Variants in SLC24A2 observed in about 807,000 individuals in gnomAD.
SLC24A2 encodes solute carrier family 24 member 2, also known as sodium/potassium/calcium exchanger 2.
SLC24A2 carries 36 observed loss-of-function variants against 62.0 expected under a neutral mutation model. The observed-to-expected ratio is 0.58, with a 90% CI of 0.44 to 0.77. SLC24A2 has a LOEUF of 0.77. Ranked by LOEUF, SLC24A2 falls within the 30% of genes least tolerant of loss-of-function variation. The pLI, the probability that SLC24A2 is intolerant of heterozygous loss-of-function variation, is 0.00. For synonymous variants in SLC24A2, 358 were observed against 294.0 expected, an observed-to-expected ratio of 1.22 and a Z score of -2.23; for missense variants, 846 against 817.9, an observed-to-expected ratio of 1.03 and a Z score of -0.42.
At chr9:20,007,479 G>C in the SLC24A2 span, among the ~76,000 whole-genome samples, 1 of 152,030 alleles carries the variant, frequency 6.6e-6, no homozygotes, top group Non-Finnish European at 1.5e-5. Context: ...CTCCAAATCA[G>C]TTACCTTTAT....
At chr9:20,285,394 G>T in the SLC24A2 span, among the ~76,000 whole-genome samples, 1 of 152,204 alleles carries the variant, frequency 6.6e-6, no homozygotes, top group African/African-American at 2.4e-5. Flanking sequence ...ACCAAGGAAG[G>T]CAATTTAATT....
chr9:20,049,780 G>A, the SLC24A2 span, among the ~76,000 whole-genome samples: 1 of 152,150 alleles, frequency 6.6e-6, no homozygotes, highest in Admixed American at 6.6e-5. Flanking sequence ...ATAAACTACA[G>A]GGATTAAGGT....
the SLC24A2 span, among the ~76,000 whole-genome samples, chr9:20,009,073 T>A: frequency 1.3e-5 from 2 of 152,164 alleles, no homozygotes; most frequent in African/African-American, 4.8e-5. Context: ...TAAGCTAGCA[T>A]AGTGCCATGC....
the SLC24A2 span, among the ~76,000 whole-genome samples, chr9:19,931,282 G>T: frequency 2.0e-5 from 3 of 152,250 alleles, no homozygotes; most frequent in South Asian, 6.2e-4. Context: ...GAAGTTCACA[G>T]AAAGAGTTAT....
In SLC24A2 at chr9:19,599,425, G is replaced by T. The variant is rs142109277; in HGVS notation, c.1079-2146C>A. Among the ~76,000 whole-genome samples the T allele has an allele frequency of 6.6e-6, 1 of 152,190 alleles. No homozygotes were observed. The highest frequency in any genetic ancestry group is 1.5e-5 in the Non-Finnish European group (1 of 68,040). The stretch of plus-strand genomic sequence containing the variant: ...AGTGAAAAGCTGAATAACAGCAGGT[G>T]TTGTGGCAACTCAAGGCGCACTGAG... On this transcript the variant is annotated intron_variant, in intron 4 of 10. Coordinates refer to ENST00000341998, the MANE Select transcript of SLC24A2 (RefSeq NM_020344.4). This position sits in a 1 kb window ranked among gnomAD's most constrained non-coding sequence, Gnocchi z 4.5.
the SLC24A2 span, among the ~76,000 whole-genome samples, chr9:19,964,728 C>A: frequency 1.3e-5 from 2 of 152,210 alleles, no homozygotes; most frequent in Non-Finnish European, 2.9e-5. Flanking sequence ...TCTTAGTGCA[C>A]AGGTGTGTGG....
the SLC24A2 span, among the ~76,000 whole-genome samples, chr9:20,046,246 G>A: frequency 1.3e-5 from 2 of 152,192 alleles, no homozygotes; most frequent in Non-Finnish European, 2.9e-5. Context: ...CAACACAGAG[G>A]CTTGTCAGCA....
At chr9:19,856,737 G>A in the SLC24A2 span, among the ~76,000 whole-genome samples, 2 of 152,190 alleles carry the variant, frequency 1.3e-5, no homozygotes, top group South Asian at 4.1e-4. Context: ...GTGTCTGGCA[G>A]TGCCTGTTGG....
At chr9:19,546,360 C>T (rs917599573) in intron 8 of SLC24A2, among the ~76,000 whole-genome samples, 23 of 151,482 alleles carry the variant, frequency 1.5e-4, no homozygotes, top group African/African-American at 4.9e-4. Context: ...GGGGTACTGC[C>T]TTTTTTTTTC....
the SLC24A2 span, among the ~76,000 whole-genome samples, chr9:20,043,926 G>GA: frequency 2.0e-5 from 3 of 152,114 alleles, no homozygotes; most frequent in African/African-American, 4.8e-5. Context: ...ACATGCTACA[G>GA]AAAAAAATCT....
intron 5 of SLC24A2, among the ~76,000 whole-genome samples, chr9:19,579,908 G>A (rs1836151889): frequency 6.6e-6 from 1 of 152,186 alleles, no homozygotes; most frequent in Admixed American, 6.5e-5. Context: ...TTGGCCACTG[G>A]CACTCATGGG....
At chr9:20,200,158 T>C in the SLC24A2 span, among the ~76,000 whole-genome samples, 10 of 152,224 alleles carry the variant, frequency 6.6e-5, no homozygotes, top group African/African-American at 2.4e-4. Context: ...TTAATCTTCA[T>C]AATAACCTTA....
chr9:19,811,854 C>A, the SLC24A2 span, among the ~76,000 whole-genome samples: 1 of 151,884 alleles, frequency 6.6e-6, no homozygotes, highest in Non-Finnish European at 1.5e-5. Context: ...TTTTTAAAAT[C>A]TTTTTCATTG....
the SLC24A2 span, among the ~76,000 whole-genome samples, chr9:19,860,629 C>T: frequency 2.0e-5 from 3 of 152,056 alleles, no homozygotes; most frequent in Non-Finnish European, 4.4e-5. Flanking sequence ...GATAGAGCAC[C>T]AAGTAGCCAT....
At chr9:20,282,434 A>G in the SLC24A2 span, among the ~76,000 whole-genome samples, 1 of 152,220 alleles carries the variant, frequency 6.6e-6, no homozygotes, top group South Asian at 2.1e-4. Flanking sequence ...ATTTTACACA[A>G]TTATCTATCA....
At chr9:19,557,539 T>C (rs891888004) in intron 7 of SLC24A2, among the ~76,000 whole-genome samples, 2 of 152,318 alleles carry the variant, frequency 1.3e-5, no homozygotes, top group Non-Finnish European at 2.9e-5. Flanking sequence ...AATTACCCTG[T>C]AGTGGTGTTG....
the SLC24A2 span, among the ~76,000 whole-genome samples, chr9:19,814,501 C>A: frequency 2.0e-5 from 3 of 152,244 alleles, no homozygotes; most frequent in Admixed American, 6.5e-5. Flanking sequence ...TACCAAACAA[C>A]CTTGAGGTAG....
chr9:20,283,703 G>T, the SLC24A2 span, among the ~76,000 whole-genome samples: 1 of 141,292 alleles, frequency 7.1e-6, no homozygotes, highest in African/African-American at 2.6e-5. Context: ...TCACTTGGAA[G>T]AGACCCAGTG....
chr9:20,290,033 G>C, the SLC24A2 span, among the ~76,000 whole-genome samples: 3 of 152,154 alleles, frequency 2.0e-5, no homozygotes, highest in East Asian at 5.8e-4. Context: ...CCCTGGCTGA[G>C]CTCTTGCCCT....
Sources: allele counts gnomAD v4.1 joint callset (sites outside exome capture counted in the v4.1 genomes callset), GRCh38; gene constraint gnomAD v4.1.1; non-coding constraint Gnocchi (gnomAD v3.1); transcripts MANE v1.5; gene names NCBI Gene and HGNC (gene_info 2026-07-23, HGNC 2026-07-21).